PLOD3: variants seen among roughly 807,000 people sequenced by gnomAD.
The protein encoded by PLOD3 is procollagen-lysine,2-oxoglutarate 5-dioxygenase 3.
A neutral mutation model predicts 96.9 loss-of-function variants in PLOD3; 73 were observed. That is an observed-to-expected ratio of 0.75 (90% CI 0.62 to 0.92). PLOD3 has a LOEUF of 0.92. Ranked by LOEUF, PLOD3 falls within the 40% of genes least tolerant of loss-of-function variation. The pLI, the probability that PLOD3 is intolerant of heterozygous loss-of-function variation, is 0.00. For synonymous variants in PLOD3, 454 were observed against 413.7 expected, an observed-to-expected ratio of 1.10 and a Z score of -1.18; for missense variants, 1,004 against 1,004.3, an observed-to-expected ratio of 1.00 and a Z score of 0.00.
chr7:101,206,682 G>C (rs535628495), intron 18 of PLOD3, 97 bp downstream of exon 18: 51 of 1,370,550 alleles, frequency 3.7e-5, no homozygotes, highest in Admixed American at 2.2e-4. Context: ...CTGGGAAATG[G>C]GCAGGGAGGG....
chr7:101,214,092 C>T (rs1417990250), intron 6 of PLOD3, among the ~76,000 whole-genome samples: 1 of 151,468 alleles, frequency 6.6e-6, no homozygotes, highest in African/African-American at 2.4e-5. Flanking sequence ...CTCAGCCTTC[C>T]AAAGTGCTGG....
In PLOD3 at chr7:101,213,206, TG is replaced by T; in HGVS notation, c.680-3del. 1 of 1,607,632 alleles carries T rather than the reference TG, an allele frequency of 6.2e-7. No homozygotes were observed. The highest frequency in any genetic ancestry group is 8.5e-7 in the Non-Finnish European group (1 of 1,174,190). ...GATCAAACTTTAAAACCACTTCATC[TG>T]GGGAAGAAAAAGGCCAGGCTTCAGA... is the stretch of plus-strand genomic sequence containing the variant. On this transcript the variant is annotated splice_polypyrimidine_tract_variant and splice_region_variant and intron_variant, in intron 6 of 18. Transcript: ENST00000223127.
At chr7:101,208,708 T>G in intron 16 of PLOD3, 145 bp downstream of exon 16, 1 of 678,268 alleles carries the variant, frequency 1.5e-6, no homozygotes, top group Non-Finnish European at 2.7e-6. Context: ...CTTGAATACA[T>G]GAATGAATGC....
chr7:101,212,809 C>G, intron 8 of PLOD3, 33 bp downstream of exon 8: 1 of 1,574,924 alleles, frequency 6.3e-7, no homozygotes, highest in African/African-American at 1.3e-5. Flanking sequence ...GCACGCTGCC[C>G]TCTCGTGCCC....
In PLOD3 at chr7:101,216,727, G is replaced by T. The variant is rs763295820; in HGVS notation, c.169C>A (p.Arg57Ser). The T allele has an allele frequency of 6.2e-7, 1 of 1,613,732 alleles. No individual in the cohort carries two copies. Among genetic ancestry groups the T allele is most frequent in the Middle Eastern group, 1.6e-4 (1 of 6,062 alleles). ...AETEGYLRFL[R>S]SAEFFNYTVR... Reference sequence around the variant, plus strand: ...GTGTAGTTGAAGAACTCCGCAGAGCGCAGGAAACGCAGGTACCCCTCGGTT... The same window carrying T: ...GTGTAGTTGAAGAACTCCGCAGAGCTCAGGAAACGCAGGTACCCCTCGGTT... The change falls in exon 2 of 19, where the codon CGC becomes AGC. Residue 57 changes from arginine to serine, a missense_variant. Coordinates refer to ENST00000223127, the MANE Select transcript of PLOD3 (RefSeq NM_001084.5).
rs184126230 is a variant in PLOD3 at position 101,210,691 on chromosome 7, G to A, written c.1359-18C>T. ...ACACACCCCTGGAGGCACCGACACC[G>A]CGGTCAGCTGGGAGGACAGCCCCCC... On this transcript the variant is annotated intron_variant, in intron 12 of 18. Transcript: ENST00000223127. The A allele has an allele frequency of 4.6e-4, 749 of 1,612,980 alleles. 1 individual carries two copies. The highest frequency in any genetic ancestry group is 5.8e-4 in the Non-Finnish European group (679 of 1,179,580).
chr7:101,216,016 G>A lies in PLOD3; in HGVS notation c.507C>T (p.Phe169=). Residue 169 remains phenylalanine, a synonymous_variant, in exon 5 of 19, where the codon TTC becomes TTT. Coordinates refer to ENST00000223127, the MANE Select transcript of PLOD3 (RefSeq NM_001084.5). ...GGTGGATGGTGGTGGCAAAACCGAT[G>A]AATCCTGGCGGGGAGGGGGAGTGTT... ...TGKRFLNSGG[F]IGFATTIHQI... 6.2e-7 allele frequency: 1 copy of A among 1,613,764 alleles called. No homozygotes were observed. The highest frequency in any genetic ancestry group is 8.5e-7 in the Non-Finnish European group (1 of 1,179,704).
intron 13 of PLOD3, 31 bp downstream of exon 13, chr7:101,210,500 GC>G (rs1328660789): frequency 1.9e-6 from 3 of 1,613,824 alleles, no homozygotes; most frequent in East Asian, 4.5e-5. Flanking sequence ...CTGGGGGACT[GC>G]CCCCAGGCCA....
chr7:101,213,072 C>T, intron 7 of PLOD3, 35 bp downstream of exon 7: 1 of 1,260,278 alleles, frequency 7.9e-7, no homozygotes, highest in Non-Finnish European at 1.1e-6. Context: ...GGGGTTGGGG[C>T]AGGGCGGGGC....
rs754177160 is a variant in PLOD3 at position 101,210,383 on chromosome 7, T to C, written c.1562A>G (p.Tyr521Cys). 2.3e-5 allele frequency: 37 copies of C among 1,614,092 alleles called. No individual in the cohort carries two copies. Among genetic ancestry groups the C allele is most frequent in the Middle Eastern group, 3.3e-4 (2 of 6,084 alleles). The part of the protein sequence containing the change: ...EFGRLLATSR[Y>C]DTEHLHPDLW... ...GTCGGGGTGCAGGTGCTCCGTGTCG[T>C]ATCTGGAAGTGGCCAGGAGCCGGCC... The change falls in exon 14 of 19, where the codon TAC becomes TGC. Residue 521 changes from tyrosine (Y) to cysteine (C), a missense_variant. Physicochemically the swap from Tyr to Cys is radical, Grantham distance 194. Around this residue, in one of 5 missense-constraint regions of PLOD3, gnomAD observed 65 missense variants for 68.8 expected, o/e 0.94. Transcript: ENST00000223127.
At position 101,206,334 on chromosome 7, in the gene PLOD3, GC is replaced by G. The variant is rs771743542; in HGVS notation, c.2163del (p.Leu722CysfsTer33). 1.7e-5 allele frequency: 28 copies of G among 1,613,874 alleles called. No homozygotes were observed. The highest frequency in any genetic ancestry group is 2.4e-5 in the Non-Finnish European group (28 of 1,179,908). On this transcript the variant is annotated frameshift_variant, in exon 19 of 19. Transcript: ENST00000223127. LOFTEE classifies it low-confidence loss of function (END_TRUNC). ...TAGCGTGTGCCCCAGGTCGTTGGCA[GC>G]CCCTCGTGGTAGTGGGTGAGGCGGC... ...HPGRLTHYHE[G>X]LPTTWGTRYI...
chr7:101,211,833 G>T lies in PLOD3; in HGVS notation c.1232+13C>A. 1 of 1,605,012 alleles carries T rather than the reference G, an allele frequency of 6.2e-7. No homozygotes were observed. On this transcript the variant is annotated intron_variant, in intron 11 of 18. Coordinates refer to ENST00000223127, the MANE Select transcript of PLOD3 (RefSeq NM_001084.5). ...GGGGTGCCCTCCGGCTGCGGGGAGA[G>T]GGGGTAAGCCACCTGTTCTCCTCAA...
chr7:101,208,107 C>A (rs1798116589), intron 16 of PLOD3, among the ~76,000 whole-genome samples: 2 of 152,122 alleles, frequency 1.3e-5, no homozygotes, highest in South Asian at 4.1e-4. Flanking sequence ...TTCCTTTTCT[C>A]TTTTTTTAGA....
chr7:101,210,516 G>C lies in PLOD3; in HGVS notation c.1500+16C>G, dbSNP rs372679902. Reference sequence around the variant, plus strand: ...TGGGGGACTGCCCCCAGGCCAGACCGTGCACCCGCGCTCACCTTGTCTCGA... The same window carrying C: ...TGGGGGACTGCCCCCAGGCCAGACCCTGCACCCGCGCTCACCTTGTCTCGA... On this transcript the variant is annotated intron_variant, in intron 13 of 18. Coordinates refer to ENST00000223127, the MANE Select transcript of PLOD3 (RefSeq NM_001084.5). 1.2e-5 allele frequency: 19 copies of C among 1,614,030 alleles called. No homozygotes were observed. The highest frequency in any genetic ancestry group is 1.1e-4 in the East Asian group (5 of 44,870).
chr7:101,214,499 T>A (rs1377908264), intron 6 of PLOD3, among the ~76,000 whole-genome samples: 3 of 152,136 alleles, frequency 2.0e-5, no homozygotes, highest in African/African-American at 4.8e-5. Context: ...GTTTTCCTCA[T>A]CTGTACAAGA....
Position 101,216,953 on chromosome 7 carries a change from G to T in PLOD3, c.110-167C>A, listed in dbSNP as rs554480621. On this transcript the variant is annotated intron_variant, in intron 1 of 18. Transcript: ENST00000223127. The stretch of plus-strand genomic sequence containing the variant: ...CCAAGGAGGGCAGGGTGGGAGTGGT[G>T]CCCAGGAATTCCGAGTCCCTTTGCA... The T allele has an allele frequency of 1.5e-5, 11 of 744,188 alleles. No individual in the cohort carries two copies. In the African/African-American group the frequency reaches 1.9e-4, roughly 13 times the overall value. 46.1% of individuals were successfully genotyped at this position (744,188 alleles called of 1,614,324 possible).
rs771170655 is a variant in PLOD3 at position 101,216,298 on chromosome 7, T to C, written c.367A>G (p.Thr123Ala). The change falls in exon 4 of 19, where the codon ACA (threonine) becomes GCA (alanine). Residue 123 changes from threonine to alanine, a missense_variant. Around this residue, in one of 5 missense-constraint regions of PLOD3, gnomAD observed 690 missense variants for 650.2 expected, o/e 1.06. Transcript: ENST00000223127. Reference sequence around the variant, plus strand: ...TGGACGAACTTCTTCAGCAGCTCTGTGGGGCTGCCGGCCAGAATCACGTCG... The same window carrying C: ...TGGACGAACTTCTTCAGCAGCTCTGCGGGGCTGCCGGCCAGAATCACGTCG... ...SYDVILAGSP[T>A]ELLKKFVQSG... The C allele has an allele frequency of 2.5e-6, 4 of 1,613,370 alleles. No individual in the cohort carries two copies. The South Asian group carries it at 4.4e-5, about 18-fold the overall frequency.
chr7:101,207,314 A>G (rs899320630), intron 17 of PLOD3, among the ~76,000 whole-genome samples: 1 of 151,326 alleles, frequency 6.6e-6, no homozygotes, highest in East Asian at 2.0e-4. Flanking sequence ...GTCCCTGTCC[A>G]GGGAGGGGAG....
At chr7:101,206,567 A>G (rs1798088411) in intron 18 of PLOD3, 131 bp from the exon 19 acceptor site, 1 of 1,018,290 alleles carries the variant, frequency 9.8e-7, no homozygotes, top group Non-Finnish European at 1.5e-6. Context: ...GAGATGGCAG[A>G]TATGGCAGAC....
Sources: allele counts gnomAD v4.1 joint callset (sites outside exome capture counted in the v4.1 genomes callset), GRCh38; gene constraint gnomAD v4.1.1; regional missense constraint gnomAD v4.1.1; transcripts MANE v1.5; gene names NCBI Gene and HGNC (gene_info 2026-07-23, HGNC 2026-07-21).